Variants in POLR1A observed in about 807,000 individuals in gnomAD.
POLR1A encodes the protein RNA polymerase I subunit A, also known as DNA-directed RNA polymerase I subunit RPA1.
POLR1A carries 84 observed loss-of-function variants against 205.3 expected under a neutral mutation model. The observed-to-expected ratio is 0.41, with a 90% CI of 0.34 to 0.49. POLR1A has a LOEUF of 0.49. Ranked by LOEUF, POLR1A falls within the 20% of genes least tolerant of loss-of-function variation. The pLI is 0.22. For synonymous variants in POLR1A, 799 were observed against 863.7 expected, an observed-to-expected ratio of 0.93 and a Z score of 1.31; for missense variants, 1,645 against 2,204.5, an observed-to-expected ratio of 0.75 and a Z score of 5.08.
chr2:86,037,444 A>G (rs772246022), intron 27 of POLR1A, among the ~76,000 whole-genome samples: 4 of 152,282 alleles, frequency 2.6e-5, no homozygotes, highest in Non-Finnish European at 4.4e-5. Context: ...GCCAGGCCCC[A>G]TAAGGTGAGA....
intron 16 of POLR1A, among the ~76,000 whole-genome samples, chr2:86,051,445 T>C (rs1672801627): frequency 6.6e-6 from 1 of 152,178 alleles, no homozygotes; most frequent in African/African-American, 2.4e-5. Flanking sequence ...GGCCCCAGTG[T>C]GGGCCAATGA....
At chr2:86,104,520 T>C (rs1435607210) in intron 1 of POLR1A, among the ~76,000 whole-genome samples, 4 of 148,782 alleles carry the variant, frequency 2.7e-5, no homozygotes. Flanking sequence ...CAATCTCGGC[T>C]CACTGCAACC....
chr2:86,052,464 T>C (rs754103173), intron 16 of POLR1A, among the ~76,000 whole-genome samples: 4 of 152,156 alleles, frequency 2.6e-5, no homozygotes, highest in Admixed American at 2.0e-4. Context: ...GCACTGGCTG[T>C]GGAGGAGAGG....
intron 27 of POLR1A, among the ~76,000 whole-genome samples, chr2:86,035,395 T>A (rs1573802955): frequency 6.6e-6 from 1 of 152,072 alleles, no homozygotes; most frequent in Non-Finnish European, 1.5e-5. Context: ...CAGGTTAAAG[T>A]CCTGACCTGC....
intron 9 of POLR1A, among the ~76,000 whole-genome samples, 165 bp downstream of exon 9, chr2:86,080,650 CT>C (rs1673383343): frequency 6.6e-6 from 1 of 152,186 alleles, no homozygotes; most frequent in South Asian, 2.1e-4. Context: ...GTGTGTCCCC[CT>C]AATGTTCCTA....
intron 21 of POLR1A, among the ~76,000 whole-genome samples, chr2:86,044,608 G>A (rs1672678129): frequency 6.6e-6 from 1 of 152,090 alleles, no homozygotes. Context: ...ATGACTGTCT[G>A]CCCCTACACT....
At chr2:86,097,835 G>C (rs1412739363) in intron 3 of POLR1A, among the ~76,000 whole-genome samples, 1 of 152,100 alleles carries the variant, frequency 6.6e-6, no homozygotes, top group Non-Finnish European at 1.5e-5. Context: ...CACCATTATA[G>C]GATGACCATA....
chr2:86,084,860 T>C (rs777949827), intron 6 of POLR1A, among the ~76,000 whole-genome samples: 3 of 152,186 alleles, frequency 2.0e-5, no homozygotes, highest in Non-Finnish European at 2.9e-5. Flanking sequence ...CTGCAGAGGA[T>C]ATGTCATCAT....
chr2:86,029,897 G>T (rs1023269847), intron 31 of POLR1A, among the ~76,000 whole-genome samples: 2 of 152,142 alleles, frequency 1.3e-5, no homozygotes, highest in Admixed American at 1.3e-4. Context: ...ACCACGCCCG[G>T]CCCGAGGGTC....
intron 1 of POLR1A, among the ~76,000 whole-genome samples, 163 bp downstream of exon 1, chr2:86,105,537 C>A (rs1188011537): frequency 6.6e-6 from 1 of 152,150 alleles, no homozygotes; most frequent in Non-Finnish European, 1.5e-5. Context: ...AGGCAGTCCA[C>A]GCCGGCCCAG....
At chr2:86,029,336 G>T (rs1049284775) in intron 31 of POLR1A, among the ~76,000 whole-genome samples, 3 of 152,056 alleles carry the variant, frequency 2.0e-5, no homozygotes, top group Non-Finnish European at 4.4e-5. Context: ...GCTTAGCATA[G>T]ACTTGTTGGG....
chr2:86,099,971 G>A lies in POLR1A; in HGVS notation c.279C>T (p.Phe93=), dbSNP rs1166285712. Residue 93 remains phenylalanine (F), a synonymous_variant, in exon 2 of 34, where the codon TTC becomes TTT. Coordinates refer to ENST00000263857, the MANE Select transcript of POLR1A (RefSeq NM_015425.6). The part of the protein sequence containing the change: ...LPLTVYNPLL[F]DKLYLLLRGS... ...ACACAACTAAGGCAGCACTTACATC[G>A]AAGAGGAGAGGGTTATACACTGTGA... 3 of 1,613,464 alleles carry A rather than the reference G, an allele frequency of 1.9e-6. No individual in the cohort carries two copies. The highest frequency in any genetic ancestry group is 1.7e-5 in the Admixed American group (1 of 60,006).
chr2:86,054,050 G>T, intron 15 of POLR1A, 90 bp downstream of exon 15: 2 of 1,283,194 alleles, frequency 1.6e-6, no homozygotes, highest in Non-Finnish European at 2.2e-6. Context: ...CTGCTTCTGT[G>T]AATGTGCCTC....
intron 15 of POLR1A, among the ~76,000 whole-genome samples, chr2:86,053,318 C>A (rs896352724): frequency 6.6e-6 from 1 of 151,984 alleles, no homozygotes; most frequent in Admixed American, 6.6e-5. Context: ...ACTCCCCACA[C>A]CCACCCACGC....
chr2:86,088,587 G>C lies in POLR1A; in HGVS notation c.709C>G (p.Gln237Glu). 2 of 1,613,380 alleles carry C rather than the reference G, an allele frequency of 1.2e-6. No homozygotes were observed. The highest frequency in any genetic ancestry group is 1.7e-6 in the Non-Finnish European group (2 of 1,179,272). The change falls in exon 6 of 34, where the codon CAG becomes GAG. Residue 237 changes from glutamine to glutamate, a missense_variant. Around this residue, in one of 16 missense-constraint regions of POLR1A, gnomAD observed 330 missense variants for 375.6 expected, o/e 0.88. Transcript: ENST00000263857. ...FPAMVHRTAGQKDSEPLGIEE... is the reference protein window; with the variant it reads ...FPAMVHRTAGEKDSEPLGIEE... ...TCACCCAGGGGCTCAGAGTCCTTCT[G>C]GCCAGCTGTCCTGTGCACCATGGCT...
chr2:86,102,175 T>C (rs1471409344), intron 1 of POLR1A, among the ~76,000 whole-genome samples: 3 of 152,192 alleles, frequency 2.0e-5, no homozygotes, highest in Admixed American at 6.5e-5. Context: ...CTGGATCACA[T>C]GGTAATTTTG....
In POLR1A at chr2:86,040,512, G is replaced by A. The variant is rs1336033376; in HGVS notation, c.3620C>T (p.Pro1207Leu). 7 of 1,607,370 alleles carry A rather than the reference G, an allele frequency of 4.4e-6. No homozygotes were observed. The highest frequency in any genetic ancestry group is 1.3e-5 in the African/African-American group (1 of 74,710). The change falls in exon 25 of 34, where the codon CCG (proline) becomes CTG (leucine). Residue 1207 changes from proline (P) to leucine (L), a missense_variant. Pro to Leu is a moderately conservative substitution (Grantham distance 98, BLOSUM62 -3). Coordinates refer to ENST00000263857, the MANE Select transcript of POLR1A (RefSeq NM_015425.6). ...AGCCAGCAGGCCCACAGCCTCGCCCGGCTCACACAGTGAGCGCTGCCACTT... is the reference window on the plus strand; with the variant it reads ...AGCCAGCAGGCCCACAGCCTCGCCCAGCTCACACAGTGAGCGCTGCCACTT... ...QLKWQRSLCE[P>L]GEAVGLLAAQ...
At chr2:86,030,986 G>A (rs897799096) in intron 30 of POLR1A, among the ~76,000 whole-genome samples, 1 of 152,202 alleles carries the variant, frequency 6.6e-6, no homozygotes, top group African/African-American at 2.4e-5. Context: ...AGGAGGTGGT[G>A]TATTTGAAAG....
rs1558760356 is a variant in POLR1A, at chr2:86,028,720, A to T, written c.4780-9T>A. 6.2e-7 allele frequency: 1 copy of T among 1,603,234 alleles called. No homozygotes were observed. The highest frequency in any genetic ancestry group is 2.2e-5 in the East Asian group (1 of 44,778). On this transcript the variant is annotated splice_polypyrimidine_tract_variant and intron_variant, in intron 31 of 33. Transcript: ENST00000263857. The surrounding 1 kb of genome is among the most constrained non-coding windows in gnomAD (Gnocchi z 4.5). ...CGGCGCAGATCCAGGACCTGGAGAGAGGAAGGAAGGGATTTATTTAGAGGG... is the reference window on the plus strand; with the variant it reads ...CGGCGCAGATCCAGGACCTGGAGAGTGGAAGGAAGGGATTTATTTAGAGGG...
Sources: gnomAD v4.1 joint callset for allele counts (sites outside exome capture counted in the v4.1 genomes callset) on GRCh38, gnomAD v4.1.1 for gene constraint, gnomAD v4.1.1 regional missense constraint, Gnocchi (gnomAD v3.1) non-coding constraint, MANE v1.5 for transcripts, NCBI Gene and HGNC (gene_info 2026-07-23, HGNC 2026-07-21) for gene names.